Variants in MVB12B observed in about 807,000 individuals in gnomAD.
MVB12B encodes the protein multivesicular body subunit 12B.
Under a neutral mutation model 41.6 loss-of-function variants are expected in MVB12B, and 16 were observed. The observed-to-expected ratio is 0.38, with a 90% CI of 0.26 to 0.58. MVB12B has a LOEUF of 0.58. Ranked by LOEUF, MVB12B falls within the 20% of genes least tolerant of loss-of-function variation. The pLI, the probability that MVB12B is intolerant of heterozygous loss-of-function variation, is 0.62. For missense variants in MVB12B, 274 were observed against 380.2 expected, an observed-to-expected ratio of 0.72 and a Z score of 2.32; for synonymous variants, 133 against 139.7, an observed-to-expected ratio of 0.95 and a Z score of 0.34.
rs1417132168 is a variant in MVB12B, at chr9:126,477,638, T to C, written c.758-3731T>C. 3.3e-5 allele frequency among the ~76,000 whole-genome samples: 5 copies of C among 152,228 alleles called. 1 individual carries two copies. In the South Asian group the frequency reaches 1.0e-3, roughly 32 times the overall value. On this transcript the variant is annotated intron_variant, in intron 7 of 9. Transcript: ENST00000361171. The stretch of plus-strand genomic sequence containing the variant: ...ATCAGATCTCATGAGACTTATTCAC[T>C]CTCATGAGAATAGCATGGCAAAAAC...
rs746314238 is a variant in MVB12B, at chr9:126,395,567, T to A, written c.540-8T>A. 1 of 1,614,110 alleles carries A rather than the reference T, an allele frequency of 6.2e-7. No individual in the cohort carries two copies. The highest frequency in any genetic ancestry group is 8.5e-7 in the Non-Finnish European group (1 of 1,179,986). On this transcript the variant is annotated splice_polypyrimidine_tract_variant and splice_region_variant and intron_variant, in intron 5 of 9. Coordinates refer to ENST00000361171, the MANE Select transcript of MVB12B (RefSeq NM_033446.3). The surrounding 1 kb of genome is among the most constrained non-coding windows in gnomAD (Gnocchi z 4.9). The stretch of plus-strand genomic sequence containing the variant: ...CAGAGCCATGAAGATTTCTCTTTTT[T>A]CCTAAAGGGAACTGAACAGCATGGG...
Position 126,421,402 on chromosome 9 carries a change from C to T in MVB12B, c.663-452C>T, listed in dbSNP as rs557660911. ...ATTCCCAACACCTTTGTTTACAGAGCGCTTCATGTGCAGTGATCCTCAGCA... is the reference window on the plus strand; with the variant it reads ...ATTCCCAACACCTTTGTTTACAGAGTGCTTCATGTGCAGTGATCCTCAGCA... On this transcript the variant is annotated intron_variant, in intron 6 of 9. Coordinates refer to ENST00000361171, the MANE Select transcript of MVB12B (RefSeq NM_033446.3). Among the ~76,000 whole-genome samples, 3 of 152,326 alleles carry T rather than the reference C, an allele frequency of 2.0e-5. No individual in the cohort carries two copies. In the South Asian group the frequency reaches 6.2e-4, roughly 32 times the overall value.
In MVB12B at chr9:126,453,244, C is replaced by A. The variant is rs79960378; in HGVS notation, c.758-28125C>A. Among the ~76,000 whole-genome samples, 336 of 152,320 alleles carry A rather than the reference C, an allele frequency of 2.2e-3. No individual in the cohort carries two copies. In the Middle Eastern group the frequency reaches 0.024, roughly 11 times the overall value. On this transcript the variant is annotated intron_variant, in intron 7 of 9. Transcript: ENST00000361171. ...AAACCCCACAGACGTGCCACCTCCC[C>A]GTGAGCATCCCCACCCACCCCAGTG... is the stretch of plus-strand genomic sequence containing the variant.
chr9:126,421,234 G>A (rs1022071755), intron 6 of MVB12B, among the ~76,000 whole-genome samples: 6 of 152,228 alleles, frequency 3.9e-5, no homozygotes, highest in African/African-American at 1.4e-4. Flanking sequence ...CAAAGACTGT[G>A]CTGTATCTGT....
intron 7 of MVB12B, among the ~76,000 whole-genome samples, chr9:126,438,703 C>T (rs781473177): frequency 3.3e-5 from 5 of 152,168 alleles, no homozygotes; most frequent in Admixed American, 6.5e-5. Context: ...CTTCCCAGAG[C>T]CCAGTGGGGT....
intron 2 of MVB12B, among the ~76,000 whole-genome samples, chr9:126,360,145 GCTAT>G (rs1231134732): frequency 6.6e-6 from 1 of 152,132 alleles, no homozygotes; most frequent in African/African-American, 2.4e-5. Context: ...CATTCACAAT[GCTAT>G]CTAATTTCTC....
chr9:126,489,810 A>C (rs1380610020), intron 9 of MVB12B, among the ~76,000 whole-genome samples: 1 of 152,110 alleles, frequency 6.6e-6, no homozygotes, highest in Non-Finnish European at 1.5e-5. Flanking sequence ...AGGCATGAGG[A>C]AGTGAATTTT....
chr9:126,448,736 T>C (rs1356171501), intron 7 of MVB12B, among the ~76,000 whole-genome samples: 3 of 152,000 alleles, frequency 2.0e-5, no homozygotes, highest in East Asian at 3.9e-4. Context: ...TCTCGGTGAA[T>C]TAATGGGGCA....
At chr9:126,451,550 A>G (rs1192192206) in intron 7 of MVB12B, among the ~76,000 whole-genome samples, 1 of 152,100 alleles carries the variant, frequency 6.6e-6, no homozygotes, top group African/African-American at 2.4e-5. Context: ...GCCCAGGGGA[A>G]TGGTCAAGGC....
At chr9:126,369,530 A>G (rs1830276708) in intron 2 of MVB12B, among the ~76,000 whole-genome samples, 1 of 152,128 alleles carries the variant, frequency 6.6e-6, no homozygotes, top group South Asian at 2.1e-4. Context: ...CAGAGTCTCT[A>G]CTGCTCTGAG....
intron 7 of MVB12B, among the ~76,000 whole-genome samples, chr9:126,471,977 T>C (rs1833323250): frequency 6.6e-6 from 1 of 152,202 alleles, no homozygotes; most frequent in South Asian, 2.1e-4. Flanking sequence ...GAGTCTGTTT[T>C]TTTTTTTAAT....
chr9:126,463,298 G>A (rs139998730), intron 7 of MVB12B, among the ~76,000 whole-genome samples: 7 of 152,136 alleles, frequency 4.6e-5, no homozygotes, highest in East Asian at 1.9e-4. Context: ...ACTGTCAGCC[G>A]CATCCAGCTC....
chr9:126,347,536 G>A (rs1159882441), intron 2 of MVB12B, among the ~76,000 whole-genome samples: 1 of 152,202 alleles, frequency 6.6e-6, no homozygotes, highest in African/African-American at 2.4e-5. Context: ...GACTATGGGG[G>A]TCCTAGGAGA....
chr9:126,487,240 C>T (rs1833638437), intron 9 of MVB12B, among the ~76,000 whole-genome samples: 1 of 152,196 alleles, frequency 6.6e-6, no homozygotes, highest in African/African-American at 2.4e-5. Flanking sequence ...TGCAAAGGTC[C>T]AGTGAATGGC....
intron 2 of MVB12B, among the ~76,000 whole-genome samples, chr9:126,364,118 T>G (rs1229155002): frequency 6.6e-6 from 1 of 152,200 alleles, no homozygotes; most frequent in East Asian, 1.9e-4. Context: ...TTCTTGTGTC[T>G]GGGATATTGG....
At chr9:126,405,170 A>G (rs1831384381) in intron 6 of MVB12B, among the ~76,000 whole-genome samples, 1 of 151,536 alleles carries the variant, frequency 6.6e-6, no homozygotes, top group Non-Finnish European at 1.5e-5. Flanking sequence ...CTGCTTGTAA[A>G]TGTGTTATCT....
At chr9:126,396,701 C>T in intron 6 of MVB12B, 7 of 985,446 alleles carry the variant, frequency 7.1e-6, no homozygotes, top group Non-Finnish European at 8.4e-6. Flanking sequence ...GGACATCCCC[C>T]TATAAAGACA....
At chr9:126,404,889 C>T (rs574006176) in intron 6 of MVB12B, among the ~76,000 whole-genome samples, 15 of 152,314 alleles carry the variant, frequency 9.8e-5, no homozygotes, top group Admixed American at 4.6e-4. Flanking sequence ...GTGAACAGAG[C>T]GGCGGCCGCT....
rs1830990496 is a variant in MVB12B, at chr9:126,392,560, G to A, written c.539+365G>A. Among the ~76,000 whole-genome samples the A allele has an allele frequency of 6.6e-6, 1 of 152,252 alleles. No individual in the cohort carries two copies. Among genetic ancestry groups the A allele is most frequent in the African/African-American group, 2.4e-5 (1 of 41,466 alleles). ...TACCACGGGGCCAAGGCCACTGGAT[G>A]TGGATATAAGTGAGGCAAAGGCCGT... is the stretch of plus-strand genomic sequence containing the variant. On this transcript the variant is annotated intron_variant, in intron 5 of 9. Coordinates refer to ENST00000361171, the MANE Select transcript of MVB12B (RefSeq NM_033446.3). This position sits in a 1 kb window ranked among gnomAD's most constrained non-coding sequence, Gnocchi z 4.8.
Sources: gnomAD v4.1 joint callset for allele counts (sites outside exome capture counted in the v4.1 genomes callset) on GRCh38, gnomAD v4.1.1 for gene constraint, Gnocchi (gnomAD v3.1) non-coding constraint, MANE v1.5 for transcripts, NCBI Gene and HGNC (gene_info 2026-07-23, HGNC 2026-07-21) for gene names.